Variants in CRB1 observed in about 807,000 individuals in gnomAD.
The protein encoded by CRB1 is crumbs cell polarity complex component 1.
In CRB1, 83 loss-of-function variants were observed where a neutral mutation model predicts 120.0. That is an observed-to-expected ratio of 0.69 (90% CI 0.58 to 0.83). The LOEUF is 0.83. Among genes scored for constraint, CRB1 ranks in the 40% least tolerant of loss-of-function variants. CRB1 has a pLI of 0.00. For missense variants in CRB1, 1,699 were observed against 1,687.6 expected, an observed-to-expected ratio of 1.01 and a Z score of -0.12; for synonymous variants, 625 against 612.5, an observed-to-expected ratio of 1.02 and a Z score of -0.30.
chr1:197,216,399 T>A, the CRB1 span, among the ~76,000 whole-genome samples: 1 of 152,162 alleles, frequency 6.6e-6, no homozygotes, highest in African/African-American at 2.4e-5. Context: ...TAGATCCTGA[T>A]AATAAGTCAG....
intron 5 of CRB1, among the ~76,000 whole-genome samples, chr1:197,404,649 C>T (rs1185934390): frequency 6.6e-6 from 1 of 151,972 alleles, no homozygotes; most frequent in African/African-American, 2.4e-5. Flanking sequence ...TTTTTCTTGT[C>T]TTCATACACA....
intron 1 of CRB1, among the ~76,000 whole-genome samples, chr1:197,272,444 T>C (rs1654958963): frequency 1.3e-5 from 2 of 152,122 alleles, no homozygotes; most frequent in Non-Finnish European, 2.9e-5. Context: ...TTCTGGAGAA[T>C]TGCATGCTTT....
intron 5 of CRB1, among the ~76,000 whole-genome samples, chr1:197,420,465 C>T (rs1357136099): frequency 6.6e-6 from 1 of 152,066 alleles, no homozygotes; most frequent in Non-Finnish European, 1.5e-5. Flanking sequence ...CTTCCATTCA[C>T]CTTAGAAGTC....
the CRB1 span, among the ~76,000 whole-genome samples, chr1:197,240,900 G>A: frequency 6.6e-6 from 1 of 152,098 alleles, no homozygotes; most frequent in Non-Finnish European, 1.5e-5. Context: ...ATTGAAACTG[G>A]CATAAGATGG....
intron 2 of CRB1, among the ~76,000 whole-genome samples, chr1:197,333,625 C>A (rs1371706517): frequency 6.6e-6 from 1 of 152,134 alleles, no homozygotes; most frequent in Admixed American, 6.5e-5. Flanking sequence ...TAAAAGTAAT[C>A]TTTTGGGAAA....
intron 1 of CRB1, among the ~76,000 whole-genome samples, chr1:197,292,045 G>C (rs1247543695): frequency 1.3e-5 from 2 of 152,028 alleles, no homozygotes; most frequent in Non-Finnish European, 2.9e-5. Context: ...AAAGCTAGCA[G>C]AAGGCAAGAA....
At chr1:197,227,229 C>G in the CRB1 span, among the ~76,000 whole-genome samples, 1 of 152,076 alleles carries the variant, frequency 6.6e-6, no homozygotes, top group Non-Finnish European at 1.5e-5. Context: ...GCCTATGAGC[C>G]TGTAAAATCA....
intron 4 of CRB1, among the ~76,000 whole-genome samples, chr1:197,351,364 CAAAAAA>C (rs35672792): frequency 2.3e-5 from 2 of 86,052 alleles, no homozygotes; most frequent in African/African-American, 5.1e-5. Flanking sequence ...TGAGACTTGG[CAAAAAA>C]AAAAAAAAAA....
the CRB1 span, among the ~76,000 whole-genome samples, chr1:197,256,427 A>G: frequency 6.6e-6 from 1 of 152,076 alleles, no homozygotes; most frequent in Non-Finnish European, 1.5e-5. Flanking sequence ...GTGCCTCATT[A>G]TGTCAATTTA....
chr1:197,463,308 C>T (rs960825761), intron 11 of CRB1, among the ~76,000 whole-genome samples: 3 of 152,206 alleles, frequency 2.0e-5, no homozygotes, highest in Middle Eastern at 3.4e-3. Flanking sequence ...GAAAACAAAA[C>T]CCTTCCACCC....
At chr1:197,239,363 A>G in the CRB1 span, among the ~76,000 whole-genome samples, 1 of 152,104 alleles carries the variant, frequency 6.6e-6, no homozygotes, top group African/African-American at 2.4e-5. Context: ...TTGTCTTTCA[A>G]GTTCTATCAA....
At chr1:197,338,423 C>A (rs1056627421) in intron 2 of CRB1, among the ~76,000 whole-genome samples, 6 of 152,128 alleles carry the variant, frequency 3.9e-5, no homozygotes, top group African/African-American at 1.4e-4. Context: ...TCCAAACAGA[C>A]AACTGTAATC....
At chr1:197,221,545 A>C in the CRB1 span, among the ~76,000 whole-genome samples, 25,530 of 152,212 alleles carry the variant, frequency 0.17, 2,363 homozygotes, top group Middle Eastern at 0.25. Context: ...TTACACTGAC[A>C]AAAAGCACAT....
In CRB1 at chr1:197,477,896, C is replaced by T. The variant is rs1165921956; in HGVS notation, c.*17C>T. The stretch of plus-strand genomic sequence containing the variant: ...CTGATTTAGGAGCATTGTGTCCCTT[C>T]GAGATGGGGATCCACACACTGTGAA... On this transcript the variant is annotated 3_prime_UTR_variant, in exon 12 of 12. Coordinates refer to ENST00000367400, the MANE Select transcript of CRB1 (RefSeq NM_201253.3). The T allele has an allele frequency of 1.2e-5, 19 of 1,610,226 alleles. No homozygotes were observed. The highest frequency in any genetic ancestry group is 1.7e-4 in the Middle Eastern group (1 of 6,050).
chr1:197,328,022 T>C (rs745487026), intron 1 of CRB1, among the ~76,000 whole-genome samples: 1 of 152,250 alleles, frequency 6.6e-6, no homozygotes, highest in Non-Finnish European at 1.5e-5. Flanking sequence ...TTGCAGCCTA[T>C]ATAATTTGGT....
intron 5 of CRB1, among the ~76,000 whole-genome samples, chr1:197,372,457 A>T (rs74760246): frequency 0.045 from 6,834 of 152,306 alleles, 232 homozygotes; most frequent in Non-Finnish European, 0.067. Context: ...TCTAGTTCAG[A>T]ATTTCTGGTT....
chr1:197,325,415 C>T (rs1658435903), intron 1 of CRB1, among the ~76,000 whole-genome samples: 2 of 152,224 alleles, frequency 1.3e-5, no homozygotes, highest in Admixed American at 1.3e-4. Flanking sequence ...CGTCAGTCTT[C>T]TAGGTGAAAC....
Position 197,448,073 on chromosome 1 carries a change from G to GTT in CRB1, c.4005+5789_4005+5790dup, listed in dbSNP as rs577632258. 7.0e-4 allele frequency among the ~76,000 whole-genome samples: 105 copies of GTT among 150,258 alleles called. No homozygotes were observed. In the East Asian group the frequency reaches 0.02, roughly 28 times the overall value. On this transcript the variant is annotated intron_variant, in intron 11 of 11. Coordinates refer to ENST00000367400, the MANE Select transcript of CRB1 (RefSeq NM_201253.3). ...CAATCTTTTCTCCTGTTTGTGTCCT[G>GTT]TTTTTTTTTCTCTATAATTGCTACC...
At chr1:197,220,423 C>A in the CRB1 span, among the ~76,000 whole-genome samples, 2 of 152,142 alleles carry the variant, frequency 1.3e-5, no homozygotes, top group Admixed American at 1.3e-4. Context: ...CAAACCGTCC[C>A]TGACAGCTGA....
Sources: allele counts gnomAD v4.1 joint callset (sites outside exome capture counted in the v4.1 genomes callset), GRCh38; gene constraint gnomAD v4.1.1; transcripts MANE v1.5; gene names NCBI Gene and HGNC (gene_info 2026-07-23, HGNC 2026-07-21).